The following NMBR variants were observed in gnomAD, a reference collection of about 807,000 sequenced individuals.
NMBR encodes neuromedin-B receptor.
NMBR carries 16 observed loss-of-function variants against 20.5 expected under a neutral mutation model. That is an observed-to-expected ratio of 0.78 (90% CI 0.53 to 1.19). The LOEUF is 1.19. NMBR is among the 50% of genes most tolerant of loss of function. NMBR has a pLI of 0.00. For missense variants in NMBR, 582 were observed against 499.1 expected (o/e 1.17, Z -1.58); for synonymous variants, 212 against 196.6 (o/e 1.08, Z -0.65).
rs1411317404 is a variant in NMBR at position 142,088,467 on chromosome 6, C to T, written c.192G>A (p.Leu64=). 6.2e-7 allele frequency: 1 copy of T among 1,613,940 alleles called. No individual in the cohort carries two copies. The highest frequency in any genetic ancestry group is 1.3e-5 in the African/African-American group (1 of 74,864). Residue 64 remains leucine, a synonymous_variant, in exon 2 of 4, where the codon CTG becomes CTA. Coordinates refer to ENST00000258042, the MANE Select transcript of NMBR (RefSeq NM_002511.4). ...ITVGLLGNIM[L]VKIFITNSAM... ...CGCTGTTGGTGATGAAGATCTTCAC[C>T]AGCATGATGTTGCCCAGCAAGCCCA...
Position 142,075,753 on chromosome 6 carries a change from G to A in NMBR, c.1068C>T (p.Ser356=). Residue 356 remains serine (S), a synonymous_variant, in exon 4 of 4, where the codon AGC becomes AGT. Transcript: ENST00000258042. ...YQERGTSYLL[S]SSAVRMTSLK... is the part of the protein sequence containing the mutation. ...GAGATGTCATACGCACCGCTGAAGA[G>A]CTGAGTAGGTAGCTGGTTCCTCTCT... 3 of 1,614,090 alleles carry A rather than the reference G, an allele frequency of 1.9e-6. No individual in the cohort carries two copies. The South Asian group carries it at 3.3e-5, about 18-fold the overall frequency.
intron 1 of NMBR, among the ~76,000 whole-genome samples, chr6:142,109,476 C>CTTTTT (rs77684305): frequency 3.0e-4 from 33 of 108,298 alleles, no homozygotes; most frequent in African/African-American, 4.5e-4. Context: ...TTGGGTATGT[C>CTTTTT]TTTTTTTTTT....
chr6:142,095,960 C>T (rs1167924502), intron 1 of NMBR, among the ~76,000 whole-genome samples: 1 of 152,158 alleles, frequency 6.6e-6, no homozygotes, highest in Non-Finnish European at 1.5e-5. Flanking sequence ...ACAGTATTCT[C>T]TGATGGTAGT....
chr6:142,126,757 ATTTTT>A (rs34631481), intron 1 of NMBR, among the ~76,000 whole-genome samples: 7 of 51,360 alleles, frequency 1.4e-4, no homozygotes, highest in African/African-American at 4.9e-4. Flanking sequence ...TATTTGAGGG[ATTTTT>A]TTTTTTTTTT....
At chr6:142,140,994 A>C (rs1286256604) in intron 1 of NMBR, among the ~76,000 whole-genome samples, 1 of 152,220 alleles carries the variant, frequency 6.6e-6, no homozygotes, top group East Asian at 1.9e-4. Flanking sequence ...AGATTTCAAC[A>C]CTTCTCTCTC....
At chr6:142,081,417 A>T (rs1368374180) in intron 2 of NMBR, among the ~76,000 whole-genome samples, 1 of 152,230 alleles carries the variant, frequency 6.6e-6, no homozygotes, top group Non-Finnish European at 1.5e-5. Flanking sequence ...CGGTTTAGAG[A>T]AAGCAAGAAA....
intron 1 of NMBR, chr6:142,134,847 AATT>A (rs1286772872): frequency 1.5e-6 from 1 of 647,996 alleles, no homozygotes; most frequent in Non-Finnish European, 2.7e-6. Context: ...CATTTACAAC[AATT>A]ACAATTTTAT....
At chr6:142,076,498 TACC>T (rs1051975425) in intron 3 of NMBR, among the ~76,000 whole-genome samples, 9 of 152,328 alleles carry the variant, frequency 5.9e-5, no homozygotes, top group Non-Finnish European at 1.3e-4. Context: ...TGTTTAAAAC[TACC>T]ACTCCACAGG....
chr6:142,135,824 C>A (rs1778244996), intron 1 of NMBR, among the ~76,000 whole-genome samples: 2 of 151,954 alleles, frequency 1.3e-5, no homozygotes, highest in Admixed American at 1.3e-4. Context: ...AGGACATGAA[C>A]TCACCATTTT....
intron 2 of NMBR, among the ~76,000 whole-genome samples, chr6:142,085,787 G>A (rs1777187949): frequency 6.6e-6 from 1 of 151,940 alleles, no homozygotes; most frequent in Non-Finnish European, 1.5e-5. Context: ...GAGATCTTAG[G>A]CAAAGATCTT....
At position 142,134,031 on chromosome 6, in the gene NMBR, A is replaced by C. The variant is rs925886456; in HGVS notation, c.-664+13013T>G. ...AATCAGTTCAGGCCAATCACTCCAC[A>C]AGTAAGTTTTTCTGTGTGCACATAA... On this transcript the variant is annotated intron_variant, in intron 1 of 3. Coordinates refer to ENST00000258042, the MANE Select transcript of NMBR (RefSeq NM_002511.4). 8 of 684,216 alleles carry C rather than the reference A, an allele frequency of 1.2e-5. No individual in the cohort carries two copies. The East Asian group carries it at 2.2e-4, about 18-fold the overall frequency. 42.4% of individuals were successfully genotyped at this position (684,216 alleles called of 1,614,324 possible). A position where few individuals can be genotyped will look rare whatever the true frequency, so the allele number is the denominator to read the frequency against.
intron 1 of NMBR, among the ~76,000 whole-genome samples, chr6:142,123,239 A>G (rs1777975238): frequency 6.6e-6 from 1 of 151,948 alleles, no homozygotes; most frequent in Admixed American, 6.6e-5. Context: ...GATGGGATGG[A>G]AAGAGCAAGA....
intron 1 of NMBR, among the ~76,000 whole-genome samples, chr6:142,144,019 T>C (rs566799444): frequency 6.6e-6 from 1 of 152,372 alleles, no homozygotes; most frequent in East Asian, 1.9e-4. Context: ...TTGTTTTAAA[T>C]GTGCCGGAAC....
rs200602716 is a variant in NMBR at position 142,128,709 on chromosome 6, G to C, written c.-664+18335C>G. ...TGTATTAAGCAATCCTTGCATCTCA[G>C]AGATAAATCCCACTGGTGTATTATT... On this transcript the variant is annotated intron_variant, in intron 1 of 3. Coordinates refer to ENST00000258042, the MANE Select transcript of NMBR (RefSeq NM_002511.4). Among the ~76,000 whole-genome samples the C allele has an allele frequency of 2.6e-5, 4 of 151,962 alleles. No individual in the cohort carries two copies. In the East Asian group the frequency reaches 7.8e-4, roughly 29 times the overall value.
intron 3 of NMBR, among the ~76,000 whole-genome samples, chr6:142,076,946 C>A (rs1451647940): frequency 6.6e-6 from 1 of 152,098 alleles, no homozygotes; most frequent in Non-Finnish European, 1.5e-5. Flanking sequence ...TGGAACATAT[C>A]TGATGGTAGG....
intron 1 of NMBR, chr6:142,134,665 T>A: frequency 1.4e-6 from 1 of 695,476 alleles, no homozygotes. Context: ...ACTCTCTGTT[T>A]TATTAAGAAT....
intron 1 of NMBR, among the ~76,000 whole-genome samples, chr6:142,102,164 G>A (rs549892537): frequency 2.0e-5 from 3 of 151,962 alleles, no homozygotes; most frequent in Admixed American, 2.0e-4. Context: ...TGAGGCAGGC[G>A]GATCACGAGG....
intron 1 of NMBR, among the ~76,000 whole-genome samples, chr6:142,102,389 C>CAAAAA (rs534698007): frequency 2.6e-5 from 2 of 76,474 alleles, no homozygotes; most frequent in African/African-American, 5.3e-5. Flanking sequence ...CACTCTGTCT[C>CAAAAA]AAAAAAAAAA....
intron 1 of NMBR, chr6:142,133,969 C>A (rs535406948): frequency 1.4e-6 from 1 of 702,336 alleles, no homozygotes. Context: ...ACTTCATTTG[C>A]GATCCAGACA....
Sources: allele counts gnomAD v4.1 joint callset (sites outside exome capture counted in the v4.1 genomes callset), GRCh38; gene constraint gnomAD v4.1.1; transcripts MANE v1.5; gene names NCBI Gene and HGNC (gene_info 2026-07-23, HGNC 2026-07-21).